LMAN1: variants seen among roughly 807,000 people sequenced by gnomAD.
LMAN1 encodes the protein protein ERGIC-53.
LMAN1 carries 32 observed loss-of-function variants against 67.8 expected under a neutral mutation model. The ratio of observed to expected loss-of-function variants is 0.47; its 90% CI spans 0.36 to 0.63. The LOEUF (loss-of-function observed/expected upper bound fraction) is 0.63, where lower values mean the gene tolerates loss of function less well. Ranked by LOEUF, LMAN1 falls within the 30% of genes least tolerant of loss-of-function variation. The pLI is 0.00. For synonymous variants in LMAN1, 235 were observed against 219.3 expected (o/e 1.07, Z -0.63); for missense variants, 632 against 628.2 (o/e 1.01, Z -0.06).
intron 8 of LMAN1, among the ~76,000 whole-genome samples, chr18:59,341,425 C>G (rs936079468): frequency 6.6e-6 from 1 of 152,140 alleles, no homozygotes; most frequent in Admixed American, 6.5e-5. Flanking sequence ...ACATAGAAGA[C>G]TCTCCGACAC....
intron 4 of LMAN1, among the ~76,000 whole-genome samples, chr18:59,353,699 C>T (rs1432473420): frequency 6.6e-6 from 1 of 152,164 alleles, no homozygotes; most frequent in African/African-American, 2.4e-5. Flanking sequence ...ATTTCCTCCA[C>T]AACAAACACG....
chr18:59,346,254 T>G (rs533643638), intron 7 of LMAN1, among the ~76,000 whole-genome samples: 130 of 131,482 alleles, frequency 9.9e-4, no homozygotes, highest in Non-Finnish European at 1.6e-3. Flanking sequence ...AGAGTCGCGC[T>G]CTGTCACCCA....
chr18:59,336,768 C>T (rs1331298660), intron 10 of LMAN1, among the ~76,000 whole-genome samples: 1 of 151,980 alleles, frequency 6.6e-6, no homozygotes, highest in Non-Finnish European at 1.5e-5. Flanking sequence ...CCTGTAGTCC[C>T]AGCTACTCAG....
rs1386532576 is a variant in LMAN1, at chr18:59,342,842, G to A, written c.955+3077C>T. On this transcript the variant is annotated intron_variant, in intron 8 of 12. Coordinates refer to ENST00000251047, the MANE Select transcript of LMAN1 (RefSeq NM_005570.4). ...GAAAAAAATAAAAGGCATCCAAACT[G>A]GAAATGAGTAAGTAACATTATCCCT... 2.6e-5 allele frequency among the ~76,000 whole-genome samples: 4 copies of A among 151,992 alleles called. No homozygotes were observed. The East Asian group carries it at 5.8e-4, about 22-fold the overall frequency.
intron 8 of LMAN1, among the ~76,000 whole-genome samples, chr18:59,342,335 C>T (rs1341931262): frequency 2.0e-5 from 3 of 152,038 alleles, no homozygotes; most frequent in Non-Finnish European, 4.4e-5. Context: ...CGGTATCACC[C>T]TGATACCAAA....
rs371846037 is a variant in LMAN1, at chr18:59,355,394, G to T, written c.396C>A (p.Gly132=). 6.2e-6 allele frequency: 10 copies of T among 1,613,900 alleles called. No individual in the cohort carries two copies. In the African/African-American group the frequency reaches 1.1e-4, roughly 17 times the overall value. Reference sequence around the variant, plus strand: ...CTGATCCAAACACAGGGCCCTCCAAGCCTTGATTTTCTGCATACCAAATTG... The same window carrying T: ...CTGATCCAAACACAGGGCCCTCCAATCCTTGATTTTCTGCATACCAAATTG... The part of the protein sequence containing the change: ...GLAIWYAENQ[G]LEGPVFGSAD... Residue 132 remains glycine, a synonymous_variant, in exon 3 of 13, where the codon GGC becomes GGA. Coordinates refer to ENST00000251047, the MANE Select transcript of LMAN1 (RefSeq NM_005570.4).
In LMAN1 at chr18:59,331,034, T is replaced by C; in HGVS notation, c.*59A>G. ...CTATGAAGCAATTTAAATACTTAAA[T>C]TCCCTCAAAACGACATCATTTTGTA... is the stretch of plus-strand genomic sequence containing the variant. On this transcript the variant is annotated 3_prime_UTR_variant, in exon 13 of 13. Coordinates refer to ENST00000251047, the MANE Select transcript of LMAN1 (RefSeq NM_005570.4). 1 of 1,157,282 alleles carries C rather than the reference T, an allele frequency of 8.6e-7. No individual in the cohort carries two copies. The highest frequency in any genetic ancestry group is 1.5e-5 in the African/African-American group (1 of 65,410). The allele number at this position is 1,157,282 out of a possible 1,614,324, so 71.7% of individuals were successfully genotyped here.
At chr18:59,349,257 T>A in intron 5 of LMAN1, 21 bp from the exon 6 acceptor site, 1 of 1,605,842 alleles carries the variant, frequency 6.2e-7, no homozygotes, top group South Asian at 1.1e-5. Context: ...ATATCATAGC[T>A]ATAGCTTTTG....
At chr18:59,337,112 C>T (rs1247142383) in intron 10 of LMAN1, among the ~76,000 whole-genome samples, 2 of 149,822 alleles carry the variant, frequency 1.3e-5, no homozygotes. Context: ...CCACCATAAC[C>T]GAGTGATCAC....
At chr18:59,351,776 T>C (rs1908548552) in intron 5 of LMAN1, among the ~76,000 whole-genome samples, 2 of 152,218 alleles carry the variant, frequency 1.3e-5, no homozygotes, top group Admixed American at 1.3e-4. Flanking sequence ...CCCACCATGC[T>C]TGATGTCTGG....
In LMAN1 at chr18:59,338,887, A is replaced by G. The variant is rs960311917; in HGVS notation, c.1022T>C (p.Ile341Thr). ...LRQVFEGQNR[I>T]HLEIKQLNRQ... is the part of the protein sequence containing the mutation. ...GTTCAGCTGCTTGATTTCAAGATGA[A>G]TACGATTCTGTCCTTCAAAGACTTG... The change falls in exon 9 of 13, where the codon ATT becomes ACT. Residue 341 changes from isoleucine (I) to threonine (T), a missense_variant. By Grantham distance (89) the Ile-to-Thr change is moderately conservative. Transcript: ENST00000251047. 7.4e-6 allele frequency: 12 copies of G among 1,613,796 alleles called. No homozygotes were observed. Among genetic ancestry groups the G allele is most frequent in the Non-Finnish European group, 1.0e-5 (12 of 1,179,952 alleles).
chr18:59,347,320 CAAAAAAAAAAAAAAAAAAAAAAAAAAA>C (rs58932497), intron 7 of LMAN1, among the ~76,000 whole-genome samples, 166 bp downstream of exon 7: 5 of 70,320 alleles, frequency 7.1e-5, no homozygotes, highest in African/African-American at 1.2e-4. Flanking sequence ...GACTCCGTCT[CAAAAAAAAAAAAAAAAAAAAAAAAAAA>C]AAAAAAAAAA....
chr18:59,337,309 AG>A (rs1908181148), intron 10 of LMAN1, among the ~76,000 whole-genome samples: 1 of 152,098 alleles, frequency 6.6e-6, no homozygotes, highest in Admixed American at 6.5e-5. Flanking sequence ...AGACAAGGGA[AG>A]ATGAACTACT....
At chr18:59,346,842 C>T (rs1439968232) in intron 7 of LMAN1, among the ~76,000 whole-genome samples, 1 of 151,930 alleles carries the variant, frequency 6.6e-6, no homozygotes, top group South Asian at 2.1e-4. Flanking sequence ...TAATAATAAC[C>T]ACTACCATTT....
chr18:59,338,494 G>T, intron 10 of LMAN1, 63 bp downstream of exon 10: 1 of 1,327,700 alleles, frequency 7.5e-7, no homozygotes, highest in Non-Finnish European at 1.1e-6. Flanking sequence ...TTGCACACCT[G>T]AAGTCACAAA....
intron 10 of LMAN1, among the ~76,000 whole-genome samples, chr18:59,334,635 C>T (rs565628276): frequency 6.6e-6 from 1 of 152,168 alleles, no homozygotes; most frequent in African/African-American, 2.4e-5. Context: ...CCAAAGAATA[C>T]CAGGAGTGAA....
intron 5 of LMAN1, 66 bp from the exon 6 acceptor site, chr18:59,349,302 A>AT (rs1908489822): frequency 3.7e-6 from 5 of 1,359,946 alleles, no homozygotes; most frequent in Admixed American, 1.7e-5. Flanking sequence ...CAATCGATCC[A>AT]TTTTATGACT....
intron 8 of LMAN1, among the ~76,000 whole-genome samples, chr18:59,344,545 G>A (rs1292176336): frequency 6.6e-6 from 1 of 152,106 alleles, no homozygotes; most frequent in Admixed American, 6.5e-5. Flanking sequence ...ATTATCCCAA[G>A]TGAAATGACT....
rs771118282 is a variant in LMAN1, at chr18:59,359,222, C to T, written c.23G>A (p.Gly8Asp). MAGSRQR[G>D]LRARVRPLFC... is the part of the protein sequence containing the mutation. ...CAGCGGCCGAACTCTGGCCCGGAGA[C>T]CCCTTTGCCTGGATCCCGCCATCTT... Residue 8 changes from glycine to aspartate, a missense_variant, in exon 1 of 13, where the codon GGT (glycine) becomes GAT (aspartate). By Grantham distance (94) the Gly-to-Asp change is moderately conservative (BLOSUM62 -1). Transcript: ENST00000251047. The T allele has an allele frequency of 1.9e-6, 3 of 1,613,800 alleles. No individual in the cohort carries two copies. Among genetic ancestry groups the T allele is most frequent in the East Asian group, 2.2e-5 (1 of 44,872 alleles).
Sources: allele counts gnomAD v4.1 joint callset (sites outside exome capture counted in the v4.1 genomes callset), GRCh38; gene constraint gnomAD v4.1.1; transcripts MANE v1.5; gene names NCBI Gene and HGNC (gene_info 2026-07-23, HGNC 2026-07-21).